DOCK2: variants seen among roughly 807,000 people sequenced by gnomAD.
DOCK2 encodes the protein dedicator of cytokinesis protein 2.
A neutral mutation model predicts 248.9 loss-of-function variants in DOCK2; 87 were observed. The observed-to-expected ratio is 0.35, with a 90% confidence interval of 0.29 to 0.42. The LOEUF is 0.42. Ranked by LOEUF, DOCK2 falls within the 10% of genes least tolerant of loss-of-function variation. DOCK2 has a pLI of 1.00. For synonymous variants in DOCK2, 805 were observed against 821.6 expected (o/e 0.98, Z 0.35); for missense variants, 1,747 against 2,300.2 (o/e 0.76, Z 4.92).
intron 27 of DOCK2, among the ~76,000 whole-genome samples, chr5:169,846,188 C>T (rs918510594): frequency 6.6e-6 from 1 of 152,098 alleles, no homozygotes; most frequent in Non-Finnish European, 1.5e-5. Context: ...AGGAGGGCCC[C>T]AAGTGGGTAT....
intron 25 of DOCK2, among the ~76,000 whole-genome samples, chr5:169,767,460 G>A (rs963340805): frequency 5.3e-5 from 8 of 152,052 alleles, no homozygotes; most frequent in Non-Finnish European, 1.2e-4. Context: ...TCTGAGCCTC[G>A]GGTTCCATGT....
At chr5:170,034,378 G>T in intron 34 of DOCK2, 21 bp from the exon 35 acceptor site, 1 of 1,613,334 alleles carries the variant, frequency 6.2e-7, no homozygotes, top group Non-Finnish European at 8.5e-7. Flanking sequence ...TGAGCTCACT[G>T]CCCTCTGGTC....
At chr5:169,676,734 T>C (rs1759355111) in intron 6 of DOCK2, among the ~76,000 whole-genome samples, 1 of 152,110 alleles carries the variant, frequency 6.6e-6, no homozygotes, top group Non-Finnish European at 1.5e-5. Context: ...TGGCACAAAG[T>C]GGAACTGAAC....
At chr5:169,641,997 A>C (rs1757176286) in intron 1 of DOCK2, among the ~76,000 whole-genome samples, 1 of 152,168 alleles carries the variant, frequency 6.6e-6, no homozygotes, top group South Asian at 2.1e-4. Flanking sequence ...GGCAGGTCTA[A>C]TTCTCTGTGA....
rs1321314714 is a variant in DOCK2, at chr5:169,879,283, A to T, written c.2799+38431A>T. ...CACGGCTTAACAAGGCCTGGGGATGAGTATTTCACATCACTTATTCATTCG... is the reference window on the plus strand; with the variant it reads ...CACGGCTTAACAAGGCCTGGGGATGTGTATTTCACATCACTTATTCATTCG... On this transcript the variant is annotated intron_variant, in intron 27 of 51. Coordinates refer to ENST00000520908, the MANE Select transcript of DOCK2 (RefSeq NM_004946.3). 1.5e-3 allele frequency among the ~76,000 whole-genome samples: 224 copies of T among 152,308 alleles called. 1 individual carries two copies. Among genetic ancestry groups the T allele is most frequent in the African/African-American group, 4.7e-3 (196 of 41,574 alleles).
intron 27 of DOCK2, among the ~76,000 whole-genome samples, chr5:169,957,539 T>C (rs7705885): frequency 0.76 from 115,155 of 152,184 alleles, 44,631 homozygotes; most frequent in African/African-American, 0.94. Flanking sequence ...AGGTGACTGC[T>C]CCAGGTCACA....
At chr5:170,076,969 A>G (rs1197224379) in intron 47 of DOCK2, among the ~76,000 whole-genome samples, 1 of 152,074 alleles carries the variant, frequency 6.6e-6, no homozygotes, top group Non-Finnish European at 1.5e-5. Context: ...GGCCACCCAC[A>G]CTTCTGCCTA....
chr5:170,078,552 G>A lies in DOCK2; in HGVS notation c.4995-423G>A, dbSNP rs537278790. On this transcript the variant is annotated intron_variant, in intron 48 of 51. Coordinates refer to ENST00000520908, the MANE Select transcript of DOCK2 (RefSeq NM_004946.3). ...AGGGTTCCTCAGACATCATCTCATG[G>A]CCACTCTGCAAGGTCTCTGCGAAGA... Among the ~76,000 whole-genome samples the A allele has an allele frequency of 1.1e-4, 17 of 152,218 alleles. 1 individual carries two copies. In the East Asian group the frequency reaches 2.1e-3, roughly 19 times the overall value.
chr5:169,757,454 C>A (rs1482130608), intron 23 of DOCK2, among the ~76,000 whole-genome samples: 3 of 152,134 alleles, frequency 2.0e-5, no homozygotes, highest in Non-Finnish European at 1.5e-5. Context: ...GAATACCTAG[C>A]ACCATCCTAT....
chr5:169,681,512 A>G (rs992984955), intron 6 of DOCK2, among the ~76,000 whole-genome samples: 3 of 151,768 alleles, frequency 2.0e-5, no homozygotes, highest in Non-Finnish European at 2.9e-5. Flanking sequence ...GTTTAATACC[A>G]TGGAAAATAC....
At chr5:170,050,740 C>T (rs1756884582) in intron 41 of DOCK2, among the ~76,000 whole-genome samples, 1 of 152,172 alleles carries the variant, frequency 6.6e-6, no homozygotes, top group South Asian at 2.1e-4. Context: ...TCCCATCTCC[C>T]ACGGTGCCTG....
chr5:169,839,346 C>T (rs1338050514), intron 26 of DOCK2, among the ~76,000 whole-genome samples: 2 of 152,186 alleles, frequency 1.3e-5, no homozygotes, highest in Admixed American at 1.3e-4. Flanking sequence ...AGGTCCACAT[C>T]GACCTTGAGA....
intron 1 of DOCK2, among the ~76,000 whole-genome samples, chr5:169,645,253 C>G (rs1021015344): frequency 6.6e-6 from 1 of 152,216 alleles, no homozygotes; most frequent in Non-Finnish European, 1.5e-5. Flanking sequence ...TTCCCACCAA[C>G]AGTGTAAAAG....
chr5:170,031,194 G>T (rs1007797592), intron 34 of DOCK2, among the ~76,000 whole-genome samples: 1 of 152,238 alleles, frequency 6.6e-6, no homozygotes, highest in African/African-American at 2.4e-5. Context: ...GGAATCGGAA[G>T]GTTGAAGCAG....
At chr5:169,701,120 T>C (rs1760945039) in intron 13 of DOCK2, among the ~76,000 whole-genome samples, 2 of 152,228 alleles carry the variant, frequency 1.3e-5, no homozygotes, top group Admixed American at 6.5e-5. Flanking sequence ...AAATAACCAA[T>C]TCACTCTGTC....
intron 25 of DOCK2, among the ~76,000 whole-genome samples, chr5:169,798,910 C>T (rs894185613): frequency 1.3e-5 from 2 of 152,152 alleles, no homozygotes; most frequent in Non-Finnish European, 2.9e-5. Flanking sequence ...TAATCTTGAG[C>T]CACAAAAAGC....
intron 2 of DOCK2, among the ~76,000 whole-genome samples, chr5:169,664,053 G>A (rs377252509): frequency 3.2e-4 from 48 of 152,274 alleles, no homozygotes; most frequent in African/African-American, 1.1e-3. Context: ...GAATGCATAT[G>A]ACTATATACT....
chr5:170,082,291 A>T (rs1264204767), intron 51 of DOCK2, among the ~76,000 whole-genome samples: 1 of 152,094 alleles, frequency 6.6e-6, no homozygotes, highest in African/African-American at 2.4e-5. Flanking sequence ...GCCCTTTTTT[A>T]TTCAACCTAT....
At chr5:169,824,834 G>A (rs1222758559) in intron 26 of DOCK2, among the ~76,000 whole-genome samples, 2 of 151,726 alleles carry the variant, frequency 1.3e-5, no homozygotes, top group Non-Finnish European at 2.9e-5. Context: ...GAATGAACAG[G>A]CAACCTACAG....
Sources: allele counts gnomAD v4.1 joint callset (sites outside exome capture counted in the v4.1 genomes callset), GRCh38; gene constraint gnomAD v4.1.1; transcripts MANE v1.5; gene names NCBI Gene and HGNC (gene_info 2026-07-23, HGNC 2026-07-21).